The following VPS13B variants were observed in gnomAD, a reference collection of about 807,000 sequenced individuals.
VPS13B encodes vacuolar protein sorting 13 homolog B, also known as intermembrane lipid transfer protein VPS13B.
In VPS13B, 285 loss-of-function variants were observed where a neutral mutation model predicts 426.4. The observed-to-expected ratio is 0.67, with a 90% CI of 0.61 to 0.74. The LOEUF (loss-of-function observed/expected upper bound fraction) is 0.74. Ranked by LOEUF, VPS13B falls within the 30% of genes least tolerant of loss-of-function variation. VPS13B has a pLI of 0.00. For missense variants in VPS13B, 4,537 were observed against 4,782.6 expected, an observed-to-expected ratio of 0.95 and a Z score of 1.51; for synonymous variants, 1,676 against 1,676.4, an observed-to-expected ratio of 1.00 and a Z score of 0.01.
chr8:99,380,830 A>G (rs1475950544), intron 19 of VPS13B, among the ~76,000 whole-genome samples: 1 of 151,418 alleles, frequency 6.6e-6, no homozygotes, highest in Non-Finnish European at 1.5e-5. Context: ...TTATTCTGAC[A>G]TATACTTTTT....
chr8:99,373,529 A>C (rs1004064379), intron 19 of VPS13B, among the ~76,000 whole-genome samples: 2 of 152,160 alleles, frequency 1.3e-5, no homozygotes, highest in Non-Finnish European at 2.9e-5. Flanking sequence ...GAGAAATAAG[A>C]CACATAAGTC....
chr8:99,081,739 G>A (rs1292036194), intron 3 of VPS13B, among the ~76,000 whole-genome samples: 2 of 151,824 alleles, frequency 1.3e-5, no homozygotes, highest in East Asian at 3.9e-4. Context: ...GCGATAGTTT[G>A]CTGAGTATGA....
intron 30 of VPS13B, among the ~76,000 whole-genome samples, chr8:99,549,246 T>A (rs140855063): frequency 1.2e-3 from 186 of 152,300 alleles, no homozygotes; most frequent in African/African-American, 4.2e-3. Flanking sequence ...CAGATCAAAT[T>A]AGAAAATGTG....
intron 21 of VPS13B, among the ~76,000 whole-genome samples, chr8:99,402,861 A>C (rs914482074): frequency 3.3e-5 from 5 of 152,230 alleles, no homozygotes; most frequent in African/African-American, 1.2e-4. Context: ...GGATCTATGC[A>C]GTCTATGCAA....
intron 49 of VPS13B, 25 bp downstream of exon 49, chr8:99,820,147 C>T (rs781631502): frequency 3.6e-5 from 58 of 1,595,138 alleles, no homozygotes; most frequent in South Asian, 2.3e-4. Context: ...TTAACTAATA[C>T]GAATTCTTAT....
At chr8:99,813,041 C>G (rs1457641341) in intron 44 of VPS13B, among the ~76,000 whole-genome samples, 1 of 152,088 alleles carries the variant, frequency 6.6e-6, no homozygotes, top group Admixed American at 6.6e-5. Flanking sequence ...AAATTCTAAC[C>G]ATAATTTTCA....
At chr8:99,201,318 C>T (rs759395137) in intron 17 of VPS13B, among the ~76,000 whole-genome samples, 2 of 152,016 alleles carry the variant, frequency 1.3e-5, no homozygotes, top group Admixed American at 6.5e-5. Context: ...GATTTATTAG[C>T]GAGTTTTGAA....
chr8:99,593,005 CAA>C (rs1186005103), intron 33 of VPS13B, among the ~76,000 whole-genome samples: 1 of 152,078 alleles, frequency 6.6e-6, no homozygotes, highest in Non-Finnish European at 1.5e-5. Flanking sequence ...TAGGCATGGG[CAA>C]AGATTTCATG....
At chr8:99,558,137 T>G (rs1477625644) in intron 31 of VPS13B, among the ~76,000 whole-genome samples, 2 of 152,138 alleles carry the variant, frequency 1.3e-5, no homozygotes, top group African/African-American at 4.8e-5. Flanking sequence ...AATAATGGAT[T>G]ATGCAACGCT....
intron 17 of VPS13B, among the ~76,000 whole-genome samples, chr8:99,195,545 A>G (rs1292957314): frequency 6.6e-6 from 1 of 151,996 alleles, no homozygotes; most frequent in East Asian, 1.9e-4. Context: ...CATTCTGTTA[A>G]TTGTTTCTTT....
rs117561641 is a variant in VPS13B at position 99,707,652 on chromosome 8, T to C, written c.6454+7720T>C. Among the ~76,000 whole-genome samples, 1,163 of 152,320 alleles carry C rather than the reference T, an allele frequency of 7.6e-3. 10 individuals carry two copies. The highest frequency in any genetic ancestry group is 0.014 in the Middle Eastern group (4 of 294). On this transcript the variant is annotated intron_variant, in intron 36 of 61. Coordinates refer to ENST00000357162, the MANE Select transcript of VPS13B (RefSeq NM_152564.5). ...CACAACTTAGTCTCAGACAAATTCA[T>C]GATTTCTTTTAGGTTCTTAGGAATA...
chr8:99,761,905 A>G (rs1021661517), intron 39 of VPS13B, among the ~76,000 whole-genome samples: 8 of 152,184 alleles, frequency 5.3e-5, no homozygotes, highest in African/African-American at 1.4e-4. Flanking sequence ...CAGACATAGG[A>G]TAAATAAGAT....
intron 44 of VPS13B, among the ~76,000 whole-genome samples, chr8:99,811,259 C>T (rs187011520): frequency 6.6e-6 from 1 of 152,168 alleles, no homozygotes; most frequent in Non-Finnish European, 1.5e-5. Flanking sequence ...ATTCCACCAC[C>T]TTTCCCCATT....
In VPS13B at chr8:99,192,994, C is replaced by T. The variant is rs2132728416; in HGVS notation, c.2452C>T (p.Leu818Phe). The change falls in exon 17 of 62, where the codon CTT becomes TTT. Residue 818 changes from leucine (L) to phenylalanine (F), a missense_variant. Around this residue, in one of 2 missense-constraint regions of VPS13B, gnomAD observed 4,311 missense variants for 4,474.3 expected, o/e 0.96. Transcript: ENST00000357162. Reference protein sequence around the residue: ...LQAIYQSWSHLGNVSSSAVIE... With the variant: ...LQAIYQSWSHFGNVSSSAVIE... ...AGCAATATATCAAAGTTGGTCTCAT[C>T]TTGGAAATGTCAGCTCTTCCGCAGT... 6.2e-7 allele frequency: 1 copy of T among 1,613,722 alleles called. No homozygotes were observed. The highest frequency in any genetic ancestry group is 1.3e-5 in the African/African-American group (1 of 75,014).
intron 16 of VPS13B, among the ~76,000 whole-genome samples, chr8:99,176,278 G>T (rs1812628649): frequency 6.6e-6 from 1 of 152,046 alleles, no homozygotes; most frequent in Non-Finnish European, 1.5e-5. Context: ...GGGATTACAG[G>T]TGCTTGTGCC....
At chr8:99,186,224 A>G (rs888476147) in intron 16 of VPS13B, among the ~76,000 whole-genome samples, 1 of 152,162 alleles carries the variant, frequency 6.6e-6, no homozygotes, top group Admixed American at 6.5e-5. Context: ...ATTTCAAAAT[A>G]TTAGGTAAGT....
chr8:99,681,450 T>G (rs1191108717), intron 35 of VPS13B, among the ~76,000 whole-genome samples: 2 of 152,234 alleles, frequency 1.3e-5, no homozygotes, highest in Non-Finnish European at 2.9e-5. Context: ...CTTTGTGGCC[T>G]ACTAACGTAC....
chr8:99,291,285 A>C (rs958160858), intron 19 of VPS13B, among the ~76,000 whole-genome samples: 1 of 152,142 alleles, frequency 6.6e-6, no homozygotes, highest in East Asian at 1.9e-4. Flanking sequence ...GGAACAAAGA[A>C]ACAAGAACCA....
At chr8:99,444,388 C>T (rs3134146) in intron 23 of VPS13B, among the ~76,000 whole-genome samples, 26,675 of 152,184 alleles carry the variant, frequency 0.18, 2,850 homozygotes, top group East Asian at 0.38. Flanking sequence ...TGAGCCACTG[C>T]GCCTGGCCAA....
Sources: gnomAD v4.1 joint callset for allele counts (sites outside exome capture counted in the v4.1 genomes callset) on GRCh38, gnomAD v4.1.1 for gene constraint, gnomAD v4.1.1 regional missense constraint, MANE v1.5 for transcripts, NCBI Gene and HGNC (gene_info 2026-07-23, HGNC 2026-07-21) for gene names.